PRKG1: variants seen among roughly 807,000 people sequenced by gnomAD.
PRKG1 encodes cGMP-dependent protein kinase 1.
In PRKG1, 35 loss-of-function variants were observed where a neutral mutation model predicts 88.1. The observed-to-expected ratio is 0.40, with a 90% CI of 0.30 to 0.53. PRKG1 has a LOEUF of 0.53. Among genes scored for constraint, PRKG1 ranks in the 20% least tolerant of loss-of-function variants. The pLI, the probability that PRKG1 is intolerant of heterozygous loss-of-function variation, is 0.59. For synonymous variants in PRKG1, 303 were observed against 292.5 expected, an observed-to-expected ratio of 1.04 and a Z score of -0.37; for missense variants, 540 against 839.8, an observed-to-expected ratio of 0.64 and a Z score of 4.41.
intron 1 of PRKG1, among the ~76,000 whole-genome samples, chr10:51,118,735 A>G (rs1845194303): frequency 6.6e-6 from 1 of 151,996 alleles, no homozygotes; most frequent in African/African-American, 2.4e-5. Context: ...TCTGCAACCT[A>G]CTGTTGTTCT....
chr10:51,973,036 C>A (rs1040617576), intron 5 of PRKG1, among the ~76,000 whole-genome samples: 1 of 152,024 alleles, frequency 6.6e-6, no homozygotes, highest in Non-Finnish European at 1.5e-5. Context: ...CTAGTGGGAC[C>A]CACATGAGGC....
At chr10:52,110,351 A>G (rs996981114) in intron 7 of PRKG1, among the ~76,000 whole-genome samples, 1 of 152,108 alleles carries the variant, frequency 6.6e-6, no homozygotes, top group Admixed American at 6.5e-5. Flanking sequence ...AAGAAATAAA[A>G]AAAGATGAAA....
In PRKG1 at chr10:52,271,439, C is replaced by A; in HGVS notation, c.1263C>A (p.Ile421=). The A allele has an allele frequency of 6.2e-7, 1 of 1,613,038 alleles. No individual in the cohort carries two copies. The highest frequency in any genetic ancestry group is 8.5e-7 in the Non-Finnish European group (1 of 1,179,420). Reference sequence around the variant, plus strand: ...TGGACACAAGACAGCAGGAGCACATCCGCTCAGAGAAGCAGATCATGCAGG... The same window carrying A: ...TGGACACAAGACAGCAGGAGCACATACGCTCAGAGAAGCAGATCATGCAGG... ...HIVDTRQQEH[I]RSEKQIMQGA... Residue 421 remains isoleucine (I), a synonymous_variant, in exon 11 of 18, where the codon ATC becomes ATA. Coordinates refer to ENST00000373980, the MANE Select transcript of PRKG1 (RefSeq NM_006258.4).
At chr10:51,029,688 T>A (rs1843255718) in intron 1 of PRKG1, among the ~76,000 whole-genome samples, 1 of 152,188 alleles carries the variant, frequency 6.6e-6, no homozygotes, top group African/African-American at 2.4e-5. Flanking sequence ...TTTAAATTTG[T>A]TCTTGGTTTG....
intron 3 of PRKG1, among the ~76,000 whole-genome samples, chr10:51,694,551 A>G (rs530783023): frequency 7.2e-5 from 11 of 152,220 alleles, no homozygotes; most frequent in Non-Finnish European, 1.3e-4. Context: ...CAGTAATATT[A>G]GGGCAAGGAC....
At chr10:51,815,657 A>AATTAGCATC (rs1283166166) in intron 4 of PRKG1, among the ~76,000 whole-genome samples, 1 of 152,196 alleles carries the variant, frequency 6.6e-6, no homozygotes, top group Non-Finnish European at 1.5e-5. Context: ...AGAAAGTCAG[A>AATTAGCATC]ATTAGCATCA....
intron 2 of PRKG1, among the ~76,000 whole-genome samples, chr10:51,352,057 T>G (rs1347916176): frequency 6.6e-6 from 1 of 152,146 alleles, no homozygotes; most frequent in Non-Finnish European, 1.5e-5. Flanking sequence ...TGGTTGTAGA[T>G]TTGTGCTATT....
chr10:51,429,376 A>G (rs1241446448), intron 2 of PRKG1, among the ~76,000 whole-genome samples: 2 of 152,206 alleles, frequency 1.3e-5, no homozygotes, highest in African/African-American at 4.8e-5. Context: ...CAAAACTGGA[A>G]TCCAGACTTG....
intron 9 of PRKG1, among the ~76,000 whole-genome samples, chr10:52,207,427 T>C (rs1839848756): frequency 6.6e-6 from 1 of 152,100 alleles, no homozygotes; most frequent in Admixed American, 6.5e-5. Flanking sequence ...CAGCAGACAG[T>C]CAGGTACTCA....
intron 9 of PRKG1, among the ~76,000 whole-genome samples, chr10:52,196,169 C>T (rs907632137): frequency 5.9e-5 from 9 of 152,180 alleles, no homozygotes; most frequent in Non-Finnish European, 1.2e-4. Context: ...CCCGCCACCA[C>T]GCCTGGCTAA....
intron 1 of PRKG1, among the ~76,000 whole-genome samples, chr10:51,052,879 C>T (rs888112326): frequency 1.3e-5 from 2 of 152,088 alleles, no homozygotes; most frequent in African/African-American, 2.4e-5. Flanking sequence ...AGATTGACAG[C>T]GCATAGTGAT....
intron 5 of PRKG1, among the ~76,000 whole-genome samples, chr10:52,000,745 C>T (rs994596633): frequency 2.6e-5 from 4 of 151,744 alleles, no homozygotes; most frequent in African/African-American, 9.7e-5. Context: ...CATAAAAACA[C>T]ACTCTCACAC....
chr10:51,106,691 A>G (rs1407380108), intron 1 of PRKG1, among the ~76,000 whole-genome samples: 2 of 152,214 alleles, frequency 1.3e-5, no homozygotes, highest in Non-Finnish European at 2.9e-5. Flanking sequence ...GAAGACTTGT[A>G]AAATGAAGCC....
intron 4 of PRKG1, among the ~76,000 whole-genome samples, chr10:51,805,264 C>T (rs546396931): frequency 2.6e-5 from 4 of 151,766 alleles, no homozygotes; most frequent in East Asian, 3.9e-4. Flanking sequence ...GCTTTTCTTT[C>T]GTTTATATTA....
At chr10:52,036,971 G>C (rs868201060) in intron 5 of PRKG1, among the ~76,000 whole-genome samples, 18 of 152,248 alleles carry the variant, frequency 1.2e-4, no homozygotes, top group South Asian at 4.2e-4. Flanking sequence ...GAGAGTTACC[G>C]GAAGCTCGGC....
intron 5 of PRKG1, among the ~76,000 whole-genome samples, chr10:51,914,408 C>A (rs1170462910): frequency 1.3e-5 from 2 of 151,968 alleles, no homozygotes; most frequent in Non-Finnish European, 2.9e-5. Context: ...AGTTGAGATA[C>A]CTTGAGGAAA....
chr10:52,255,628 T>C (rs935965234), intron 10 of PRKG1, among the ~76,000 whole-genome samples: 6 of 151,980 alleles, frequency 3.9e-5, no homozygotes, highest in Admixed American at 6.6e-5. Flanking sequence ...GAATAGTTCT[T>C]AGCTCTAGAG....
At chr10:51,557,711 G>T (rs1837349460) in intron 3 of PRKG1, among the ~76,000 whole-genome samples, 1 of 152,138 alleles carries the variant, frequency 6.6e-6, no homozygotes, top group South Asian at 2.1e-4. Context: ...TTCATCTCAA[G>T]ATGTGAAAAA....
At chr10:51,926,989 AC>A (rs1486468909) in intron 5 of PRKG1, among the ~76,000 whole-genome samples, 1 of 152,006 alleles carries the variant, frequency 6.6e-6, no homozygotes, top group Admixed American at 6.6e-5. Context: ...TTTGTTCTAG[AC>A]CTTGATTCCT....
Sources: allele counts gnomAD v4.1 joint callset (sites outside exome capture counted in the v4.1 genomes callset), GRCh38; gene constraint gnomAD v4.1.1; transcripts MANE v1.5; gene names NCBI Gene and HGNC (gene_info 2026-07-23, HGNC 2026-07-21).